The following ADGRG7 variants were observed in gnomAD, a reference collection of about 807,000 sequenced individuals.
ADGRG7 encodes the protein adhesion G protein-coupled receptor G7.
In ADGRG7, 82 loss-of-function variants were observed where a neutral mutation model predicts 88.6. The ratio of observed to expected loss-of-function variants is 0.93; its 90% CI spans 0.77 to 1.11. ADGRG7 has a LOEUF of 1.11. ADGRG7 is among the 50% of genes most tolerant of loss of function. The pLI is 0.00. For synonymous variants in ADGRG7, 381 were observed against 345.2 expected (o/e 1.10, Z -1.15); for missense variants, 945 against 953.4 (o/e 0.99, Z 0.12).
chr3:100,660,383 C>A (rs1040661032), intron 14 of ADGRG7, among the ~76,000 whole-genome samples: 1 of 152,206 alleles, frequency 6.6e-6, no homozygotes, highest in African/African-American at 2.4e-5. Context: ...CAGCTCAATG[C>A]AGCCTCGACT....
chr3:100,635,910 C>A, intron 5 of ADGRG7, 84 bp downstream of exon 5: 1 of 987,190 alleles, frequency 1.0e-6, no homozygotes, highest in South Asian at 1.7e-5. Flanking sequence ...TCCTGAATAC[C>A]ACTCCTTATT....
At chr3:100,690,207 C>G (rs569665302) in intron 15 of ADGRG7, among the ~76,000 whole-genome samples, 1 of 152,140 alleles carries the variant, frequency 6.6e-6, no homozygotes, top group East Asian at 1.9e-4. Flanking sequence ...GTTCTCGTGC[C>G]GTGGTTTTCA....
intron 4 of ADGRG7, among the ~76,000 whole-genome samples, chr3:100,633,785 G>A (rs1410460693): frequency 6.6e-6 from 1 of 152,128 alleles, no homozygotes; most frequent in Non-Finnish European, 1.5e-5. Context: ...GCCTCCCGAA[G>A]TGCAGGGATT....
At chr3:100,693,626 C>G (rs1291477918) in intron 15 of ADGRG7, among the ~76,000 whole-genome samples, 1 of 152,086 alleles carries the variant, frequency 6.6e-6, no homozygotes, top group Non-Finnish European at 1.5e-5. Context: ...CCTATAGATG[C>G]TAATGTGGGA....
chr3:100,677,199 A>T (rs1172589760), intron 15 of ADGRG7, among the ~76,000 whole-genome samples: 1 of 151,932 alleles, frequency 6.6e-6, no homozygotes, highest in African/African-American at 2.4e-5. Flanking sequence ...TTCTCTGGTG[A>T]CATGTTTTAA....
intron 1 of ADGRG7, among the ~76,000 whole-genome samples, chr3:100,626,678 G>A (rs1048253638): frequency 3.1e-4 from 47 of 152,082 alleles, no homozygotes; most frequent in African/African-American, 1.0e-3. Flanking sequence ...CCAGCTACTC[G>A]GGAGGCTGAG....
intron 15 of ADGRG7, among the ~76,000 whole-genome samples, chr3:100,675,454 A>G (rs1171983197): frequency 2.0e-5 from 3 of 152,190 alleles, no homozygotes; most frequent in South Asian, 2.1e-4. Flanking sequence ...CTACTTTGTC[A>G]TGATGAATGA....
At chr3:100,666,458 A>G (rs576425261) in intron 14 of ADGRG7, among the ~76,000 whole-genome samples, 1 of 152,354 alleles carries the variant, frequency 6.6e-6, no homozygotes, top group East Asian at 1.9e-4. Context: ...GCTTTTAGAT[A>G]TGCATACACA....
intron 15 of ADGRG7, among the ~76,000 whole-genome samples, chr3:100,675,140 C>T (rs935686376): frequency 4.6e-5 from 7 of 152,100 alleles, no homozygotes; most frequent in Non-Finnish European, 8.8e-5. Context: ...TGTTGAATAA[C>T]AGTGGTGAAA....
At position 100,646,601 on chromosome 3, in the gene ADGRG7, T is replaced by C. The variant is rs781027997; in HGVS notation, c.1143T>C (p.Tyr381=). The C allele has an allele frequency of 5.0e-6, 8 of 1,614,054 alleles. No individual in the cohort carries two copies. Among genetic ancestry groups the C allele is most frequent in the Non-Finnish European group, 6.8e-6 (8 of 1,179,888 alleles). The change falls in exon 10 of 16, where the codon TAT becomes TAC. Residue 381 remains tyrosine, a synonymous_variant. Transcript: ENST00000273352. The stretch of plus-strand genomic sequence containing the variant: ...AAAAAGAATTTCAACTCTATTCCTA[T>C]GCCTGTGTCTATTGGAATTTGTCAG... The part of the protein sequence containing the change: ...YNQKEFQLYS[Y]ACVYWNLSAK...
chr3:100,635,974 C>A, intron 5 of ADGRG7, 148 bp downstream of exon 5: 1 of 561,950 alleles, frequency 1.8e-6, no homozygotes, highest in Non-Finnish European at 3.1e-6. Flanking sequence ...TTGCATAGCA[C>A]TCCTGAGAGA....
chr3:100,673,893 C>A (rs2094961728), intron 15 of ADGRG7, among the ~76,000 whole-genome samples: 1 of 152,144 alleles, frequency 6.6e-6, no homozygotes, highest in South Asian at 2.1e-4. Context: ...TTAGTTATTT[C>A]TTGTCTTCTG....
intron 15 of ADGRG7, among the ~76,000 whole-genome samples, chr3:100,685,740 T>C (rs1402827253): frequency 2.0e-5 from 3 of 152,190 alleles, no homozygotes; most frequent in Non-Finnish European, 4.4e-5. Flanking sequence ...TTCCATGGTG[T>C]ATATGTGCCA....
intron 6 of ADGRG7, among the ~76,000 whole-genome samples, chr3:100,638,034 C>T (rs990296464): frequency 1.1e-4 from 16 of 152,204 alleles, no homozygotes; most frequent in Admixed American, 1.0e-3. Context: ...GTGCCTGCAA[C>T]CCCAAGGCCC....
rs971137289 is a variant in ADGRG7, at chr3:100,658,874, C to T, written c.1824-814C>T. Among the ~76,000 whole-genome samples the T allele has an allele frequency of 1.4e-4, 22 of 152,068 alleles. 1 individual carries two copies. The highest frequency in any genetic ancestry group is 1.9e-4 in the East Asian group (1 of 5,180). On this transcript the variant is annotated intron_variant, in intron 13 of 15. Coordinates refer to ENST00000273352, the MANE Select transcript of ADGRG7 (RefSeq NM_032787.3). ...CTAAAGAAGGGATTTTTGTTTTGTC[C>T]GCTGCTGATACCTTGGTGTCTAAAA...
Position 100,655,020 on chromosome 3 carries a change from C to T in ADGRG7, c.1565C>T (p.Pro522Leu), listed in dbSNP as rs372225636. The T allele has an allele frequency of 1.5e-5, 24 of 1,613,932 alleles. 1 individual carries two copies. In the East Asian group the frequency reaches 2.5e-4, roughly 16 times the overall value. The change falls in exon 12 of 16, where the codon CCG (proline) becomes CTG (leucine). Residue 522 changes from proline to leucine, a missense_variant. By Grantham distance (98) the Pro-to-Leu change is moderately conservative (BLOSUM62 -3). Transcript: ENST00000273352. Reference sequence around the variant, plus strand: ...CCCAGGACAGACACCATTAACATCCCGAATCCCATGTGCACTGCGATTGCC... The same window carrying T: ...CCCAGGACAGACACCATTAACATCCTGAATCCCATGTGCACTGCGATTGCC... Reference protein sequence around the residue: ...DIPRTDTINIPNPMCTAIAAL... With the variant: ...DIPRTDTINILNPMCTAIAAL...
intron 14 of ADGRG7, among the ~76,000 whole-genome samples, chr3:100,666,533 G>T (rs557060319): frequency 1.1e-4 from 17 of 152,230 alleles, no homozygotes; most frequent in Non-Finnish European, 2.2e-4. Flanking sequence ...CCCTAAGGCG[G>T]TTTTTCCCTA....
intron 15 of ADGRG7, among the ~76,000 whole-genome samples, chr3:100,677,433 A>G (rs893195236): frequency 3.3e-5 from 5 of 152,090 alleles, no homozygotes; most frequent in African/African-American, 9.7e-5. Context: ...TTATTTTGAT[A>G]GGTTCATCTT....
chr3:100,685,924 G>A (rs1388152789), intron 15 of ADGRG7, among the ~76,000 whole-genome samples: 1 of 151,836 alleles, frequency 6.6e-6, no homozygotes, highest in Non-Finnish European at 1.5e-5. Flanking sequence ...GGTATTTCTA[G>A]TTCTAGATCC....
Sources: allele counts gnomAD v4.1 joint callset (sites outside exome capture counted in the v4.1 genomes callset), GRCh38; gene constraint gnomAD v4.1.1; transcripts MANE v1.5; gene names NCBI Gene and HGNC (gene_info 2026-07-23, HGNC 2026-07-21).